Variants in NUDCD1 observed in about 807,000 individuals in gnomAD.
NUDCD1 encodes NudC domain containing 1.
In NUDCD1, 60 loss-of-function variants were observed where a neutral mutation model predicts 67.8. The ratio of observed to expected loss-of-function variants is 0.88; its 90% CI spans 0.72 to 1.10. NUDCD1 has a LOEUF of 1.10. NUDCD1 is among the 50% of genes least tolerant of loss of function. The probability of loss-of-function intolerance (pLI) is 0.00; values close to 1 mark genes in which losing one functional copy is unlikely to be tolerated. For missense variants in NUDCD1, 643 were observed against 695.0 expected (o/e 0.93, Z 0.84); for synonymous variants, 244 against 230.8 (o/e 1.06, Z -0.52).
intron 1 of NUDCD1, among the ~76,000 whole-genome samples, chr8:109,324,480 T>C (rs765150904): frequency 1.2e-4 from 18 of 151,842 alleles, no homozygotes; most frequent in Non-Finnish European, 2.2e-4. Flanking sequence ...AGTATAGCCA[T>C]TATGGAAAAT....
At chr8:109,312,725 G>GT (rs1253999876) in intron 2 of NUDCD1, among the ~76,000 whole-genome samples, 1 of 152,228 alleles carries the variant, frequency 6.6e-6, no homozygotes, top group Non-Finnish European at 1.5e-5. Context: ...AGGCCTAGCA[G>GT]TATCAGCCAG....
chr8:109,270,090 A>AGGGG (rs1563665962), intron 8 of NUDCD1, among the ~76,000 whole-genome samples: 50 of 7,596 alleles, frequency 6.6e-3, no homozygotes, highest in South Asian at 0.012. Flanking sequence ...GGGTGCCTTA[A>AGGGG]GGTGGGGTGT....
chr8:109,272,143 AAGACCTGTTTTTC>A (rs1563666813), intron 7 of NUDCD1, among the ~76,000 whole-genome samples: 1 of 152,084 alleles, frequency 6.6e-6, no homozygotes, highest in East Asian at 1.9e-4. Flanking sequence ...GAGTAAATGA[AAGACCTGTTTTTC>A]ACATTTTTAA....
Position 109,271,010 on chromosome 8 carries a change from G to A in NUDCD1, c.1294C>T (p.His432Tyr). The change falls in exon 8 of 10, where the codon CAT becomes TAT. Residue 432 changes from histidine (H) to tyrosine (Y), a missense_variant. Coordinates refer to ENST00000239690, the MANE Select transcript of NUDCD1 (RefSeq NM_032869.4). ...TATTAATATCAGTAACTTACCACAT[G>A]AGTAGTTTTTAATGTATTGCCATCA... ...RFDGNTLKTT[H>Y]VVNLGSNQYL... is the part of the protein sequence containing the mutation. 6.4e-7 allele frequency: 1 copy of A among 1,573,400 alleles called. No individual in the cohort carries two copies. The highest frequency in any genetic ancestry group is 8.6e-7 in the Non-Finnish European group (1 of 1,156,104).
rs1814261038 is a variant in NUDCD1, at chr8:109,275,400, C to T, written c.1125G>A (p.Gln375=). Residue 375 remains glutamine, a synonymous_variant, in exon 7 of 10, where the codon CAG becomes CAA. Transcript: ENST00000239690. ...KQGELIRDSA[Q]CAAIAERLMH... is the part of the protein sequence containing the mutation. ...TCAAACGTTCAGCTATTGCAGCACA[C>T]TGGGCTGAATCTCTTATAAGTTCCC... 1 of 1,613,652 alleles carries T rather than the reference C, an allele frequency of 6.2e-7. No individual in the cohort carries two copies. The highest frequency in any genetic ancestry group is 1.3e-5 in the African/African-American group (1 of 74,918).
At chr8:109,284,170 C>A (rs187473669) in intron 5 of NUDCD1, among the ~76,000 whole-genome samples, 1 of 152,034 alleles carries the variant, frequency 6.6e-6, no homozygotes, top group South Asian at 2.1e-4. Flanking sequence ...AGACTTTAAA[C>A]CAACAAAGGT....
intron 8 of NUDCD1, 57 bp downstream of exon 8, chr8:109,270,948 A>G: frequency 8.6e-7 from 1 of 1,165,194 alleles, no homozygotes. Context: ...ATTTAGACCA[A>G]TCATTATCTG....
At chr8:109,309,118 G>A (rs536860598) in intron 2 of NUDCD1, among the ~76,000 whole-genome samples, 1 of 152,222 alleles carries the variant, frequency 6.6e-6, no homozygotes. Flanking sequence ...TATGAAGCCA[G>A]TATCACCCTA....
chr8:109,258,731 T>C (rs1813796268), intron 8 of NUDCD1, among the ~76,000 whole-genome samples: 1 of 152,040 alleles, frequency 6.6e-6, no homozygotes, highest in Admixed American at 6.6e-5. Flanking sequence ...TTCATTACTA[T>C]CCCAAGGAAA....
chr8:109,301,126 ACGTATG>A (rs1439977192), intron 2 of NUDCD1, among the ~76,000 whole-genome samples: 1 of 152,184 alleles, frequency 6.6e-6, no homozygotes, highest in Non-Finnish European at 1.5e-5. Context: ...TGTGACCTGC[ACGTATG>A]CATCCAGATG....
chr8:109,259,461 G>C (rs993956076), intron 8 of NUDCD1, among the ~76,000 whole-genome samples: 1 of 152,210 alleles, frequency 6.6e-6, no homozygotes, highest in South Asian at 2.1e-4. Flanking sequence ...TGTCATTATG[G>C]ATAAGAAGAT....
chr8:109,243,252 T>C lies in NUDCD1; in HGVS notation c.1509A>G (p.Pro503=). ...KRDKKFFACA[P]NYSYAALCEC... is the part of the protein sequence containing the mutation. ...CACAAAGGGCTGCATACGAGTAATTTGGAGCACAGGCAAAAAATTTTTTGT... is the reference window on the plus strand; with the variant it reads ...CACAAAGGGCTGCATACGAGTAATTCGGAGCACAGGCAAAAAATTTTTTGT... Residue 503 remains proline (P), a synonymous_variant, in exon 10 of 10, where the codon CCA becomes CCG. Transcript: ENST00000239690. The C allele has an allele frequency of 6.2e-7, 1 of 1,607,076 alleles. No individual in the cohort carries two copies. Among genetic ancestry groups the C allele is most frequent in the Admixed American group, 1.7e-5 (1 of 59,752 alleles).
intron 8 of NUDCD1, among the ~76,000 whole-genome samples, chr8:109,248,328 A>G (rs1392505565): frequency 6.6e-6 from 1 of 152,232 alleles, no homozygotes; most frequent in Admixed American, 6.5e-5. Context: ...CTACACCTGC[A>G]GCAATTCGTT....
intron 5 of NUDCD1, among the ~76,000 whole-genome samples, chr8:109,287,215 G>C (rs1035758020): frequency 6.6e-6 from 1 of 152,160 alleles, no homozygotes; most frequent in Non-Finnish European, 1.5e-5. Flanking sequence ...AGCCCCTGTG[G>C]AAAGCAGTTT....
intron 5 of NUDCD1, among the ~76,000 whole-genome samples, chr8:109,287,237 A>G (rs983471205): frequency 6.6e-6 from 1 of 152,194 alleles, no homozygotes; most frequent in Non-Finnish European, 1.5e-5. Flanking sequence ...GAGATTTCTC[A>G]AAGAACTTAA....
At chr8:109,263,072 A>AAAC (rs1554611975) in intron 8 of NUDCD1, among the ~76,000 whole-genome samples, 2 of 150,188 alleles carry the variant, frequency 1.3e-5, no homozygotes, top group African/African-American at 4.9e-5. Context: ...AAAAAAAAAA[A>AAAC]AAAAAAACCC....
Position 109,242,768 on chromosome 8 carries a change from G to A in NUDCD1, c.*241C>T. Reference sequence around the variant, plus strand: ...CCTGTTTTAAAAAATAAGTATACTTGCTAGTACTATCTTCACTCTTTTTTT... The same window carrying A: ...CCTGTTTTAAAAAATAAGTATACTTACTAGTACTATCTTCACTCTTTTTTT... On this transcript the variant is annotated 3_prime_UTR_variant, in exon 10 of 10. Coordinates refer to ENST00000239690, the MANE Select transcript of NUDCD1 (RefSeq NM_032869.4). 7.1e-6 allele frequency: 2 copies of A among 281,118 alleles called. No homozygotes were observed. The highest frequency in any genetic ancestry group is 1.3e-5 in the Non-Finnish European group (2 of 151,316). The allele number at this position is 281,118 out of a possible 1,614,324, so 17.4% of individuals were successfully genotyped here.
chr8:109,293,967 T>C (rs1015208549), intron 3 of NUDCD1, among the ~76,000 whole-genome samples: 7 of 152,096 alleles, frequency 4.6e-5, no homozygotes, highest in African/African-American at 1.7e-4. Flanking sequence ...ACAAACTCTA[T>C]TTAAAATAAT....
At chr8:109,280,913 AAAAAG>A (rs1672541040) in intron 6 of NUDCD1, 50 bp downstream of exon 6, 7 of 870,128 alleles carry the variant, frequency 8.0e-6, no homozygotes, top group Middle Eastern at 3.6e-4. Flanking sequence ...TGGAAAGAGT[AAAAAG>A]AAAAGAAAAA....
Sources: gnomAD v4.1 joint callset for allele counts (sites outside exome capture counted in the v4.1 genomes callset) on GRCh38, gnomAD v4.1.1 for gene constraint, MANE v1.5 for transcripts, NCBI Gene and HGNC (gene_info 2026-07-23, HGNC 2026-07-21) for gene names.